COL21A1: variants seen among roughly 807,000 people sequenced by gnomAD.
The protein encoded by COL21A1 is collagen type XXI alpha 1 chain, also known as collagen alpha-1(XXI) chain.
COL21A1 carries 149 observed loss-of-function variants against 137.9 expected under a neutral mutation model. The observed-to-expected ratio is 1.08, with a 90% CI of 0.95 to 1.24. The LOEUF (loss-of-function observed/expected upper bound fraction) is 1.24, where lower values mean the gene tolerates loss of function less well. Ranked by LOEUF, COL21A1 falls within the 50% of genes most tolerant of loss-of-function variation. The probability of loss-of-function intolerance (pLI) is 0.00; values close to 1 mark genes in which losing one functional copy is unlikely to be tolerated. For missense variants in COL21A1, 1,167 were observed against 1,158.4 expected (o/e 1.01, Z -0.11); for synonymous variants, 456 against 391.5 (o/e 1.16, Z -1.95).
chr6:56,230,800 G>T (rs1238930872), intron 1 of COL21A1, among the ~76,000 whole-genome samples: 2 of 151,556 alleles, frequency 1.3e-5, no homozygotes, highest in African/African-American at 4.8e-5. Context: ...CATGTTTATG[G>T]GAAACATGTC....
intron 1 of COL21A1, among the ~76,000 whole-genome samples, chr6:56,272,406 GT>G (rs35891246): frequency 0.23 from 35,261 of 152,134 alleles, 4,462 homozygotes; most frequent in Non-Finnish European, 0.29. Context: ...TATCTTGGGA[GT>G]TAACTAACTC....
intron 1 of COL21A1, among the ~76,000 whole-genome samples, chr6:56,381,559 C>A (rs1251737181): frequency 6.6e-6 from 1 of 152,214 alleles, no homozygotes. Flanking sequence ...CAAAGAAATG[C>A]ATGAAAGCTT....
chr6:56,095,531 C>A (rs923279491), intron 17 of COL21A1, among the ~76,000 whole-genome samples: 1 of 152,198 alleles, frequency 6.6e-6, no homozygotes, highest in African/African-American at 2.4e-5. Context: ...TAAGTGCAAA[C>A]AGCACAGACA....
chr6:56,086,494 A>G (rs960585651), intron 17 of COL21A1, among the ~76,000 whole-genome samples: 5 of 152,182 alleles, frequency 3.3e-5, no homozygotes, highest in Non-Finnish European at 5.9e-5. Context: ...AGCAAATGTT[A>G]TTAAGATAAT....
chr6:56,324,580 C>G (rs750059799), intron 1 of COL21A1, among the ~76,000 whole-genome samples: 34 of 152,144 alleles, frequency 2.2e-4, no homozygotes, highest in South Asian at 2.1e-4. Flanking sequence ...GTCCTGGATA[C>G]CTGGCTGGGA....
rs1345557634 is a variant in COL21A1 at position 56,124,109 on chromosome 6, G to A, written c.1711C>T (p.Pro571Ser). The change falls in exon 16 of 30, where the codon CCA (proline) becomes TCA (serine). Residue 571 changes from proline (P) to serine (S), a missense_variant. Coordinates refer to ENST00000244728, the MANE Select transcript of COL21A1 (RefSeq NM_030820.4). The stretch of plus-strand genomic sequence containing the variant: ...AATCCATCCTTTCCATGTCTTCCTG[G>A]TTCTCCCTAAAAAATAAATACATAT... ...FPGLPGPAGEPGRHGKDGLMG... is the reference protein window; with the variant it reads ...FPGLPGPAGESGRHGKDGLMG... 1 of 1,536,976 alleles carries A rather than the reference G, an allele frequency of 6.5e-7. No individual in the cohort carries two copies. Among genetic ancestry groups the A allele is most frequent in the African/African-American group, 1.4e-5 (1 of 71,286 alleles).
At chr6:56,177,581 C>T (rs1010291242) in intron 3 of COL21A1, among the ~76,000 whole-genome samples, 19 of 151,978 alleles carry the variant, frequency 1.3e-4, no homozygotes, top group Non-Finnish European at 2.6e-4. Flanking sequence ...ATCATGAGGT[C>T]AGGAGATAGA....
At chr6:56,258,432 A>G (rs1763167510) in intron 1 of COL21A1, among the ~76,000 whole-genome samples, 1 of 152,070 alleles carries the variant, frequency 6.6e-6, no homozygotes, top group Non-Finnish European at 1.5e-5. Context: ...CCTGCATCCA[A>G]CGGAGGACCT....
chr6:56,230,073 A>C (rs886387330), intron 1 of COL21A1, among the ~76,000 whole-genome samples: 1 of 151,952 alleles, frequency 6.6e-6, no homozygotes, highest in Admixed American at 6.6e-5. Flanking sequence ...TATATTTGGT[A>C]TACATATTTC....
Position 56,179,781 on chromosome 6 carries a change from T to G in COL21A1, c.437A>C (p.Lys146Thr). ...TKIAVVLTDGKSQDDVKDAAQ... is the reference protein window; with the variant it reads ...TKIAVVLTDGTSQDDVKDAAQ... ...TGCATCCTTGACGTCATCTTGGGAT[T>G]TGCCATCCGTAAGTACCACTGCTAT... The change falls in exon 3 of 30, where the codon AAA becomes ACA. Residue 146 changes from lysine (K) to threonine (T), a missense_variant. Lys to Thr is a moderately conservative substitution (Grantham distance 78). Coordinates refer to ENST00000244728, the MANE Select transcript of COL21A1 (RefSeq NM_030820.4). The G allele has an allele frequency of 6.2e-7, 1 of 1,613,930 alleles. No individual in the cohort carries two copies. The highest frequency in any genetic ancestry group is 1.1e-5 in the South Asian group (1 of 91,078).
At chr6:56,189,327 A>C (rs2152288549) in intron 1 of COL21A1, among the ~76,000 whole-genome samples, 1 of 152,116 alleles carries the variant, frequency 6.6e-6, no homozygotes, top group Middle Eastern at 3.4e-3. Context: ...AGCATAAACA[A>C]GTATCAATAG....
At position 56,183,546 on chromosome 6, in the gene COL21A1, G is replaced by A. The variant is rs1187077123; in HGVS notation, c.-38-890C>T. 3.3e-5 allele frequency among the ~76,000 whole-genome samples: 5 copies of A among 152,098 alleles called. No homozygotes were observed. In the East Asian group the frequency reaches 7.7e-4, roughly 23 times the overall value. ...TCTGGTGAGCCTTAACTAAATATACGGAGTAGATAAGTAGTCCATAGAAAG... is the reference window on the plus strand; with the variant it reads ...TCTGGTGAGCCTTAACTAAATATACAGAGTAGATAAGTAGTCCATAGAAAG... On this transcript the variant is annotated intron_variant, in intron 1 of 29. Transcript: ENST00000244728.
intron 16 of COL21A1, among the ~76,000 whole-genome samples, chr6:56,108,217 T>C (rs1180081513): frequency 6.6e-6 from 1 of 151,896 alleles, no homozygotes; most frequent in Non-Finnish European, 1.5e-5. Context: ...ATTTACATAA[T>C]AACAAAATTA....
chr6:56,075,557 A>T, intron 18 of COL21A1, 25 bp from the exon 19 acceptor site: 1 of 1,455,818 alleles, frequency 6.9e-7, no homozygotes, highest in South Asian at 1.3e-5. Context: ...CATTAAAAAC[A>T]TTATAAATTG....
chr6:56,190,369 C>G (rs984299173), intron 1 of COL21A1, among the ~76,000 whole-genome samples: 2 of 152,172 alleles, frequency 1.3e-5, no homozygotes, highest in Non-Finnish European at 2.9e-5. Flanking sequence ...TGGACACATA[C>G]ACCCTCCCAC....
At chr6:56,274,536 T>C (rs1035053176) in intron 1 of COL21A1, among the ~76,000 whole-genome samples, 11 of 152,160 alleles carry the variant, frequency 7.2e-5, no homozygotes, top group African/African-American at 2.7e-4. Flanking sequence ...ATAAAATCAA[T>C]GTAAATTTCA....
intron 1 of COL21A1, among the ~76,000 whole-genome samples, chr6:56,307,106 G>A (rs1025367533): frequency 8.5e-5 from 13 of 152,164 alleles, no homozygotes; most frequent in African/African-American, 2.7e-4. Context: ...AGAAGTACCC[G>A]GCCGTGTGAG....
chr6:56,059,265 G>C (rs761674922), intron 28 of COL21A1, 23 bp from the exon 29 acceptor site: 4 of 1,532,936 alleles, frequency 2.6e-6, no homozygotes, highest in Non-Finnish European at 3.5e-6. Flanking sequence ...AAACATCTGA[G>C]TAAGTTTACT....
intron 1 of COL21A1, among the ~76,000 whole-genome samples, chr6:56,207,747 G>T (rs1192813114): frequency 1.3e-5 from 2 of 151,970 alleles, no homozygotes; most frequent in African/African-American, 4.8e-5. Flanking sequence ...AAAATTTCAG[G>T]TAAATATCCC....
Sources: gnomAD v4.1 joint callset for allele counts (sites outside exome capture counted in the v4.1 genomes callset) on GRCh38, gnomAD v4.1.1 for gene constraint, MANE v1.5 for transcripts, NCBI Gene and HGNC (gene_info 2026-07-23, HGNC 2026-07-21) for gene names.